Variants in SERPINB4 observed in about 807,000 individuals in gnomAD.
SERPINB4 encodes serpin B4.
Under a neutral mutation model 33.2 loss-of-function variants are expected in SERPINB4, and 39 were observed. The observed-to-expected ratio is 1.18, with a 90% CI of 0.91 to 1.53. The LOEUF (loss-of-function observed/expected upper bound fraction) is 1.53, where lower values mean the gene tolerates loss of function less well. Ranked by LOEUF, SERPINB4 falls within the 40% of genes most tolerant of loss-of-function variation. The pLI is 0.00. For synonymous variants in SERPINB4, 191 were observed against 166.4 expected, an observed-to-expected ratio of 1.15 and a Z score of -1.14; for missense variants, 564 against 455.4, an observed-to-expected ratio of 1.24 and a Z score of -2.17.
chr18:63,640,285 G>A (rs1391592809), intron 5 of SERPINB4, among the ~76,000 whole-genome samples: 1 of 151,982 alleles, frequency 6.6e-6, no homozygotes, highest in Non-Finnish European at 1.5e-5. Context: ...TCACTCTCAT[G>A]TTGAGTTGCT....
At chr18:63,644,163 C>CA (rs1023110282) in intron 1 of SERPINB4, 46 bp downstream of exon 1, 1 of 152,366 alleles carries the variant, frequency 6.6e-6, no homozygotes, top group Non-Finnish European at 1.5e-5. Context: ...TTATTATTCT[C>CA]AAAAATAATT....
chr18:63,643,327 A>G lies in SERPINB4; in HGVS notation c.165+86T>C, dbSNP rs956868025. 5.0e-6 allele frequency: 8 copies of G among 1,609,040 alleles called. No individual in the cohort carries two copies. The African/African-American group carries it at 1.1e-4, about 22-fold the overall frequency. On this transcript the variant is annotated intron_variant, in intron 2 of 7. Coordinates refer to ENST00000341074, the MANE Select transcript of SERPINB4 (RefSeq NM_002974.4). ...CACAGCCCCCTGTGCTACCCATCAGACCACCACATCTATTACCATCTGCGT... is the reference window on the plus strand; with the variant it reads ...CACAGCCCCCTGTGCTACCCATCAGGCCACCACATCTATTACCATCTGCGT...
chr18:63,639,134 T>C (rs369244362), intron 7 of SERPINB4, 51 bp downstream of exon 7: 4 of 1,531,280 alleles, frequency 2.6e-6, no homozygotes, highest in Non-Finnish European at 3.5e-6. Flanking sequence ...CTTGGTATCT[T>C]TGGAAAAATG....
intron 3 of SERPINB4, among the ~76,000 whole-genome samples, chr18:63,642,665 A>T (rs1248109487): frequency 2.0e-5 from 3 of 152,102 alleles, no homozygotes; most frequent in South Asian, 2.1e-4. Flanking sequence ...TATTCCTCTG[A>T]ATCTCATTAA....
intron 1 of SERPINB4, among the ~76,000 whole-genome samples, chr18:63,643,915 C>G (rs1227111063): frequency 6.6e-6 from 1 of 151,886 alleles, no homozygotes; most frequent in East Asian, 1.9e-4. Flanking sequence ...TAACAGGAGA[C>G]CTCTGTGGAT....
chr18:63,641,854 T>A lies in SERPINB4; in HGVS notation c.257A>T (p.Gln86Leu), dbSNP rs899725475. The A allele has an allele frequency of 6.2e-7, 1 of 1,613,404 alleles. No homozygotes were observed. Among genetic ancestry groups the A allele is most frequent in the East Asian group, 2.2e-5 (1 of 44,874 alleles). ...TTTGTTGAATTCAGTCAGAAGCTTT[T>A]GAAACTGGTGATGAACATTTCCTGA... Reference protein sequence around the residue: ...DRSGNVHHQFQKLLTEFNKST... With the variant: ...DRSGNVHHQFLKLLTEFNKST... Residue 86 changes from glutamine to leucine, a missense_variant, in exon 4 of 8, where the codon CAA becomes CTA. Gln to Leu is a moderately radical substitution (Grantham distance 113, BLOSUM62 -2). Coordinates refer to ENST00000341074, the MANE Select transcript of SERPINB4 (RefSeq NM_002974.4).
chr18:63,641,171 T>A (rs887328034), intron 4 of SERPINB4, among the ~76,000 whole-genome samples, 180 bp from the exon 5 acceptor site: 4 of 152,098 alleles, frequency 2.6e-5, no homozygotes, highest in African/African-American at 9.7e-5. Flanking sequence ...GAATGTGGGC[T>A]GGCACAAGAA....
chr18:63,637,457 G>T lies in SERPINB4; in HGVS notation c.*262C>A. Reference sequence around the variant, plus strand: ...TTATATTTCAAATTTAGAAGACACGGTATTAAATGATTCATCTTATCTTGG... The same window carrying T: ...TTATATTTCAAATTTAGAAGACACGTTATTAAATGATTCATCTTATCTTGG... On this transcript the variant is annotated 3_prime_UTR_variant, in exon 8 of 8. Coordinates refer to ENST00000341074, the MANE Select transcript of SERPINB4 (RefSeq NM_002974.4). 2.7e-6 allele frequency: 1 copy of T among 376,432 alleles called. No homozygotes were observed. The highest frequency in any genetic ancestry group is 4.7e-6 in the Non-Finnish European group (1 of 211,168). 23.3% of individuals were successfully genotyped at this position (376,432 alleles called of 1,614,324 possible). A position where few individuals can be genotyped will look rare whatever the true frequency, so the allele number is the denominator to read the frequency against.
At chr18:63,639,374 G>A (rs372263108) in intron 6 of SERPINB4, 34 bp from the exon 7 acceptor site, 50 of 1,567,644 alleles carry the variant, frequency 3.2e-5, no homozygotes, top group Non-Finnish European at 4.1e-5. Flanking sequence ...CAAATAACAC[G>A]TGAAACACAA....
At chr18:63,638,159 C>G in intron 7 of SERPINB4, 36 bp from the exon 8 acceptor site, 1 of 1,591,896 alleles carries the variant, frequency 6.3e-7, no homozygotes, top group South Asian at 1.2e-5. Flanking sequence ...ATATGACTAA[C>G]TGTCGATCTC....
intron 3 of SERPINB4, among the ~76,000 whole-genome samples, chr18:63,642,656 A>G (rs1379461838): frequency 6.6e-6 from 1 of 152,102 alleles, no homozygotes; most frequent in South Asian, 2.1e-4. Flanking sequence ...ACTTGTGCTT[A>G]TTCCTCTGAA....
At chr18:63,643,782 C>T (rs963084312) in intron 1 of SERPINB4, among the ~76,000 whole-genome samples, 179 bp from the exon 2 acceptor site, 75 of 151,972 alleles carry the variant, frequency 4.9e-4, no homozygotes, top group African/African-American at 2.4e-4. Context: ...TATTAATGTC[C>T]TAATTAGAAG....
At chr18:63,641,926 A>T in intron 3 of SERPINB4, 38 bp from the exon 4 acceptor site, 2 of 1,610,322 alleles carry the variant, frequency 1.2e-6, no homozygotes, top group Non-Finnish European at 1.7e-6. Flanking sequence ...CAATTGCTGT[A>T]TCAATGTAAA....
In SERPINB4 at chr18:63,639,756, G is replaced by T. The variant is rs746310287; in HGVS notation, c.490C>A (p.Pro164Thr). ...GTATCATTGCCAATAGTCCCATCAG[G>T]AAATAGGTTTTTAATTTTTTCTGCA... Reference protein sequence around the residue: ...QTNEKIKNLFPDGTIGNDTTL... With the variant: ...QTNEKIKNLFTDGTIGNDTTL... The change falls in exon 6 of 8, where the codon CCT becomes ACT. Residue 164 changes from proline to threonine, a missense_variant. Pro to Thr is a conservative substitution (Grantham distance 38, BLOSUM62 -1). Coordinates refer to ENST00000341074, the MANE Select transcript of SERPINB4 (RefSeq NM_002974.4). 14 of 1,609,946 alleles carry T rather than the reference G, an allele frequency of 8.7e-6. No individual in the cohort carries two copies. In the East Asian group the frequency reaches 2.0e-4, roughly 23 times the overall value.
intron 4 of SERPINB4, 97 bp from the exon 5 acceptor site, chr18:63,641,088 G>A (rs1913114809): frequency 3.1e-6 from 3 of 973,836 alleles, no homozygotes; most frequent in Non-Finnish European, 4.8e-6. Flanking sequence ...GCTGAATCCA[G>A]ACCCTGAATA....
intron 6 of SERPINB4, 136 bp downstream of exon 6, chr18:63,639,498 A>T: frequency 9.9e-7 from 1 of 1,006,234 alleles, no homozygotes; most frequent in East Asian, 2.6e-5. Context: ...AACTAAATAA[A>T]GTTATAAGAG....
chr18:63,640,022 T>C (rs1384716356), intron 5 of SERPINB4, among the ~76,000 whole-genome samples: 2 of 152,044 alleles, frequency 1.3e-5, no homozygotes, highest in Non-Finnish European at 2.9e-5. Context: ...AGAGAAGGAG[T>C]TCACGTTCTC....
chr18:63,643,334 C>A, intron 2 of SERPINB4, 79 bp downstream of exon 2: 1 of 1,608,978 alleles, frequency 6.2e-7, no homozygotes, highest in Non-Finnish European at 8.5e-7. Context: ...CAGACCACCA[C>A]ATCTATTACC....
intron 6 of SERPINB4, 35 bp downstream of exon 6, chr18:63,639,599 C>A (rs1913055810): frequency 7.4e-7 from 1 of 1,345,818 alleles, no homozygotes; most frequent in Non-Finnish European, 1.0e-6. Context: ...CATGTATTAA[C>A]ATATTACACT....
Sources: allele counts gnomAD v4.1 joint callset (sites outside exome capture counted in the v4.1 genomes callset), GRCh38; gene constraint gnomAD v4.1.1; transcripts MANE v1.5; gene names NCBI Gene and HGNC (gene_info 2026-07-23, HGNC 2026-07-21).